The following B4GALNT2 variants were observed in gnomAD, a reference collection of about 807,000 sequenced individuals.
The protein encoded by B4GALNT2 is N-acetylneuraminylgalactosylglucosyl-glucoside beta-1,4-N- acetylgalactosaminyltransferase 2.
A neutral mutation model predicts 51.1 loss-of-function variants in B4GALNT2; 42 were observed. The observed-to-expected ratio is 0.82, with a 90% CI of 0.64 to 1.06. The LOEUF (loss-of-function observed/expected upper bound fraction) is 1.06. Among genes scored for constraint, B4GALNT2 ranks in the 50% least tolerant of loss-of-function variants. The pLI is 0.00. For synonymous variants in B4GALNT2, 253 were observed against 251.7 expected, an observed-to-expected ratio of 1.01 and a Z score of -0.05; for missense variants, 602 against 633.6, an observed-to-expected ratio of 0.95 and a Z score of 0.54.
Position 49,134,437 on chromosome 17 carries a change from C to A in B4GALNT2, c.14+1631C>A, listed in dbSNP as rs1393251641. On this transcript the variant is annotated intron_variant, in intron 1 of 10. Transcript: ENST00000393354. ...ATCATTATTTTGAGATGCAGTCTTG[C>A]TCCATCACCCAGGCTGGAGTGCAGT... 2.0e-5 allele frequency among the ~76,000 whole-genome samples: 3 copies of A among 152,196 alleles called. No individual in the cohort carries two copies. The East Asian group carries it at 5.8e-4, about 29-fold the overall frequency.
rs538756949 is a variant in B4GALNT2, at chr17:49,134,716, T to C, written c.14+1910T>C. Among the ~76,000 whole-genome samples, 9 of 152,090 alleles carry C rather than the reference T, an allele frequency of 5.9e-5. No homozygotes were observed. In the East Asian group the frequency reaches 1.2e-3, roughly 20 times the overall value. ...AATTCCCCTGCCTCAGCCTCCAGAGTAGCCGAAATTACAGGCGCACGCCAC... is the reference window on the plus strand; with the variant it reads ...AATTCCCCTGCCTCAGCCTCCAGAGCAGCCGAAATTACAGGCGCACGCCAC... On this transcript the variant is annotated intron_variant, in intron 1 of 10. Transcript: ENST00000393354.
upstream of B4GALNT2, among the ~76,000 whole-genome samples, chr17:49,129,279 G>A (rs2042525870): frequency 6.6e-6 from 1 of 152,184 alleles, no homozygotes; most frequent in African/African-American, 2.4e-5. Flanking sequence ...GCAGTCAGAG[G>A]TGGATTCCTG....
At chr17:49,165,145 G>A (rs577019007) in intron 8 of B4GALNT2, among the ~76,000 whole-genome samples, 68 of 152,110 alleles carry the variant, frequency 4.5e-4, no homozygotes, top group African/African-American at 1.6e-3. Flanking sequence ...TGTGGAAATC[G>A]ATTGGGGTCC....
chr17:49,164,964 A>G lies in B4GALNT2; in HGVS notation c.954+689A>G, dbSNP rs1479997550. Among the ~76,000 whole-genome samples, 4 of 152,088 alleles carry G rather than the reference A, an allele frequency of 2.6e-5. No individual in the cohort carries two copies. In the East Asian group the frequency reaches 5.8e-4, roughly 22 times the overall value. ...GTAGCTGGGACTACAGGCATGCACC[A>G]TAATGCCAGGCTAATTTTTTAAATT... On this transcript the variant is annotated intron_variant, in intron 8 of 10. Transcript: ENST00000393354.
intron 3 of B4GALNT2, among the ~76,000 whole-genome samples, chr17:49,145,411 G>A (rs1376476634): frequency 2.0e-5 from 3 of 152,082 alleles, no homozygotes; most frequent in African/African-American, 7.2e-5. Flanking sequence ...ATAAAATGAA[G>A]ATATTTTCTT....
At chr17:49,167,509 A>C (rs1293143480) in intron 9 of B4GALNT2, among the ~76,000 whole-genome samples, 1 of 151,872 alleles carries the variant, frequency 6.6e-6, no homozygotes, top group Non-Finnish European at 1.5e-5. Flanking sequence ...TAGCTTATAC[A>C]CATGTATTAC....
chr17:49,174,323 G>A lies in B4GALNT2; in HGVS notation c.*4595G>A, dbSNP rs1457279268. On this transcript the variant is annotated 3_prime_UTR_variant, in exon 11 of 11. Coordinates refer to ENST00000393354, the MANE Select transcript of B4GALNT2 (RefSeq NM_001159387.2). Reference sequence around the variant, plus strand: ...TTGCCCTACATAAGTCTGGCAAATTGTTGGACTGTTTAACATGCCTTGTGG... The same window carrying A: ...TTGCCCTACATAAGTCTGGCAAATTATTGGACTGTTTAACATGCCTTGTGG... 6.6e-6 allele frequency: 1 copy of A among 152,220 alleles called. No individual in the cohort carries two copies. Among genetic ancestry groups the A allele is most frequent in the South Asian group, 2.1e-4 (1 of 4,836 alleles). The allele number at this position is 152,220 out of a possible 1,614,324, so 9.4% of individuals were successfully genotyped here.
rs1475311406 is a variant in B4GALNT2, at chr17:49,147,374, C to CTTTTTTT, written c.353+5205_353+5206insTTTTTTT. The stretch of plus-strand genomic sequence containing the variant: ...TTTTCTTTATTCTTTTCTTTTCTTT[C>CTTTTTTT]TTTCTTTTTTTTTTTTTTGAGACAA... On this transcript the variant is annotated intron_variant, in intron 3 of 10. Coordinates refer to ENST00000393354, the MANE Select transcript of B4GALNT2 (RefSeq NM_001159387.2). 1.3e-3 allele frequency among the ~76,000 whole-genome samples: 180 copies of CTTTTTTT among 143,896 alleles called. 3 individuals are homozygous for CTTTTTTT. The highest frequency in any genetic ancestry group is 4.4e-3 in the African/African-American group (174 of 39,254). 94.4% of individuals were successfully genotyped at this position (143,896 alleles called of 152,430 possible).
At chr17:49,129,038 C>G (rs558390684), upstream of B4GALNT2, among the ~76,000 whole-genome samples, 216 of 152,308 alleles carry the variant, frequency 1.4e-3, no homozygotes, top group Non-Finnish European at 2.3e-3. Context: ...GCAGACCTGA[C>G]TGTCCCGAGT....
rs1245536044 is a variant in B4GALNT2, at chr17:49,141,434, T to A, written c.202T>A (p.Tyr68Asn). ...GGAACGTCTCAGGAACCTCTTTTCCTACGATGGAATCTGGTGAGAGACTGC... is the reference window on the plus strand; with the variant it reads ...GGAACGTCTCAGGAACCTCTTTTCCAACGATGGAATCTGGTGAGAGACTGC... ...PEERLRNLFS[Y>N]DGIWLFPKNQ... is the part of the protein sequence containing the mutation. Residue 68 changes from tyrosine (Y) to asparagine (N), a missense_variant, in exon 2 of 11, where the codon TAC becomes AAC. By Grantham distance (143) the Tyr-to-Asn change is moderately radical (BLOSUM62 -2). Transcript: ENST00000393354. 1 of 1,613,992 alleles carries A rather than the reference T, an allele frequency of 6.2e-7. No individual in the cohort carries two copies. Among genetic ancestry groups the A allele is most frequent in the Non-Finnish European group, 8.5e-7 (1 of 1,180,004 alleles).
In B4GALNT2 at chr17:49,164,281, T is replaced by A. The variant is rs758991623; in HGVS notation, c.954+6T>A. ...ACACTATGCCCTTTGGGAAGGTATGTCCCTCTCAGATTGGGTGGCACCTGC... is the reference window on the plus strand; with the variant it reads ...ACACTATGCCCTTTGGGAAGGTATGACCCTCTCAGATTGGGTGGCACCTGC... On this transcript the variant is annotated splice_donor_region_variant and intron_variant, in intron 8 of 10. Coordinates refer to ENST00000393354, the MANE Select transcript of B4GALNT2 (RefSeq NM_001159387.2). 368 of 1,606,990 alleles carry A rather than the reference T, an allele frequency of 2.3e-4. 2 individuals are homozygous for A. Among genetic ancestry groups the A allele is most frequent in the Non-Finnish European group, 2.4e-5 (28 of 1,173,648 alleles).
rs577998689 is a variant in B4GALNT2, at chr17:49,173,215, A to G, written c.*3487A>G. 1 of 152,368 alleles carries G rather than the reference A, an allele frequency of 6.6e-6. No individual in the cohort carries two copies. Among genetic ancestry groups the G allele is most frequent in the East Asian group, 1.9e-4 (1 of 5,190 alleles). The allele number at this position is 152,368 out of a possible 1,614,324, so 9.4% of individuals were successfully genotyped here. A position where few individuals can be genotyped will look rare whatever the true frequency, so the allele number is the denominator to read the frequency against. ...CTGCTGTTTGCAATTGGGTAAATAAAGCCATCAGTTGCTCATCTGTGTGGA... is the reference window on the plus strand; with the variant it reads ...CTGCTGTTTGCAATTGGGTAAATAAGGCCATCAGTTGCTCATCTGTGTGGA... On this transcript the variant is annotated 3_prime_UTR_variant, in exon 11 of 11. Transcript: ENST00000393354.
chr17:49,149,644 C>T (rs896852752), intron 3 of B4GALNT2, among the ~76,000 whole-genome samples: 4 of 152,138 alleles, frequency 2.6e-5, no homozygotes, highest in Admixed American at 1.3e-4. Flanking sequence ...AGTGAGACTT[C>T]GTCTCAGAAA....
intron 1 of B4GALNT2, among the ~76,000 whole-genome samples, 189 bp from the exon 2 acceptor site, chr17:49,141,058 A>G (rs1315979800): frequency 1.1e-4 from 16 of 145,346 alleles, no homozygotes; most frequent in Admixed American, 5.5e-4. Flanking sequence ...CCATCCTTTT[A>G]TTTGTAATTT....
At position 49,173,947 on chromosome 17, in the gene B4GALNT2, C is replaced by G. The variant is rs1279026408; in HGVS notation, c.*4219C>G. On this transcript the variant is annotated 3_prime_UTR_variant, in exon 11 of 11. Transcript: ENST00000393354. ...TTGCCGAGGGCTATGAGACTAGCAT[C>G]TCCTCTAAGGTTAGAAAATGGCATA... is the stretch of plus-strand genomic sequence containing the variant. The G allele has an allele frequency of 6.7e-6, 1 of 149,580 alleles. No individual in the cohort carries two copies. The highest frequency in any genetic ancestry group is 1.5e-5 in the Non-Finnish European group (1 of 67,534). The allele number at this position is 149,580 out of a possible 1,614,324, so 9.3% of individuals were successfully genotyped here. A position where few individuals can be genotyped will look rare whatever the true frequency, so the allele number is the denominator to read the frequency against.
At chr17:49,143,731 C>G (rs985227676) in intron 3 of B4GALNT2, among the ~76,000 whole-genome samples, 2 of 152,218 alleles carry the variant, frequency 1.3e-5, no homozygotes. Flanking sequence ...AGAAGTCTAA[C>G]AGCACGGTGC....
chr17:49,160,773 C>T (rs2042857025), intron 7 of B4GALNT2, 132 bp downstream of exon 7: 9 of 795,562 alleles, frequency 1.1e-5, no homozygotes, highest in East Asian at 5.0e-5. Flanking sequence ...TGACAAGCTT[C>T]GTTTGGAGGA....
intron 3 of B4GALNT2, chr17:49,148,719 G>A: frequency 1.7e-6 from 1 of 587,126 alleles, no homozygotes; most frequent in Non-Finnish European, 3.1e-6. Flanking sequence ...CAGGTGCTTA[G>A]GCATGTGGAC....
At chr17:49,128,878 A>G (rs11079863), upstream of B4GALNT2, among the ~76,000 whole-genome samples, 80,250 of 151,854 alleles carry the variant, frequency 0.53, 21,506 homozygotes, top group Middle Eastern at 0.62. Flanking sequence ...AGAGGAAGCC[A>G]AGGGTGTCTG....
Sources: gnomAD v4.1 joint callset for allele counts (sites outside exome capture counted in the v4.1 genomes callset) on GRCh38, gnomAD v4.1.1 for gene constraint, MANE v1.5 for transcripts, NCBI Gene and HGNC (gene_info 2026-07-23, HGNC 2026-07-21) for gene names.